The following SDK1 variants were observed in gnomAD, a reference collection of about 807,000 sequenced individuals.
The protein encoded by SDK1 is sidekick cell adhesion molecule 1.
A neutral mutation model predicts 245.5 loss-of-function variants in SDK1; 157 were observed. The ratio of observed to expected loss-of-function variants is 0.64; its 90% confidence interval spans 0.56 to 0.73. The LOEUF is 0.73. Ranked by LOEUF, SDK1 falls within the 30% of genes least tolerant of loss-of-function variation. SDK1 has a pLI of 0.00. For synonymous variants in SDK1, 1,647 were observed against 1,278.5 expected (o/e 1.29, Z -6.15); for missense variants, 3,583 against 3,002.3 (o/e 1.19, Z -4.52).
intron 1 of SDK1, among the ~76,000 whole-genome samples, chr7:3,366,295 C>G (rs984509698): frequency 4.6e-5 from 7 of 151,664 alleles, no homozygotes; most frequent in African/African-American, 1.5e-4. Flanking sequence ...AAAGTACTTG[C>G]TTTTTCTTCC....
chr7:3,730,147 A>T (rs1170703670), intron 4 of SDK1, among the ~76,000 whole-genome samples: 1 of 152,128 alleles, frequency 6.6e-6, no homozygotes, highest in Non-Finnish European at 1.5e-5. Context: ...GCTGATGAGG[A>T]TCCCTTTGAA....
chr7:3,592,465 C>G (rs548010858), intron 1 of SDK1, among the ~76,000 whole-genome samples: 5 of 152,322 alleles, frequency 3.3e-5, no homozygotes, highest in African/African-American at 1.2e-4. Flanking sequence ...TCACTCTGCT[C>G]ACTGCCCTTT....
At chr7:3,858,826 C>G (rs1469205920) in intron 5 of SDK1, among the ~76,000 whole-genome samples, 1 of 149,078 alleles carries the variant, frequency 6.7e-6, no homozygotes, top group Non-Finnish European at 1.5e-5. Flanking sequence ...AACAGTTGTC[C>G]CAAAATTTAG....
intron 5 of SDK1, among the ~76,000 whole-genome samples, chr7:3,848,300 G>T (rs1780331455): frequency 6.6e-6 from 1 of 152,140 alleles, no homozygotes; most frequent in African/African-American, 2.4e-5. Flanking sequence ...CTTTGTTTTG[G>T]TACCCAGAAG....
chr7:3,552,719 AT>A (rs1779456323), intron 1 of SDK1, among the ~76,000 whole-genome samples: 1 of 152,208 alleles, frequency 6.6e-6, no homozygotes, highest in Admixed American at 6.5e-5. Flanking sequence ...CAATTTGCTA[AT>A]TAGGTCATTC....
chr7:4,001,909 C>T (rs1372648521), intron 14 of SDK1, among the ~76,000 whole-genome samples: 1 of 152,246 alleles, frequency 6.6e-6, no homozygotes, highest in African/African-American at 2.4e-5. Context: ...ACAGGTCTCT[C>T]TCACAATGTT....
At chr7:4,124,025 G>T (rs562682524) in intron 25 of SDK1, among the ~76,000 whole-genome samples, 1 of 152,184 alleles carries the variant, frequency 6.6e-6, no homozygotes, top group African/African-American at 2.4e-5. Context: ...ACTGACTCGC[G>T]TCCTGAGGCT....
At chr7:3,589,774 A>C (rs1273506238) in intron 1 of SDK1, among the ~76,000 whole-genome samples, 2 of 152,216 alleles carry the variant, frequency 1.3e-5, no homozygotes, top group Admixed American at 1.3e-4. Flanking sequence ...TGGGTCCCTC[A>C]TGACACATGG....
chr7:3,710,479 A>G lies in SDK1; in HGVS notation c.713+68374A>G, dbSNP rs551525611. Among the ~76,000 whole-genome samples the G allele has an allele frequency of 5.3e-5, 8 of 152,334 alleles. No homozygotes were observed. In the East Asian group the frequency reaches 1.3e-3, roughly 26 times the overall value. Reference sequence around the variant, plus strand: ...ATTAAGGACTAATGTCATTAGGGACATTTCTACTTTTGATATAGAAACAAG... The same window carrying G: ...ATTAAGGACTAATGTCATTAGGGACGTTTCTACTTTTGATATAGAAACAAG... On this transcript the variant is annotated intron_variant, in intron 4 of 44. Coordinates refer to ENST00000404826, the MANE Select transcript of SDK1 (RefSeq NM_152744.4).
At chr7:3,503,502 A>G (rs1257785351) in intron 1 of SDK1, among the ~76,000 whole-genome samples, 1 of 152,096 alleles carries the variant, frequency 6.6e-6, no homozygotes, top group Non-Finnish European at 1.5e-5. Context: ...ATATAGTGAG[A>G]ACCTTCCTCT....
intron 1 of SDK1, among the ~76,000 whole-genome samples, chr7:3,547,974 TC>T (rs1779284257): frequency 6.6e-6 from 1 of 152,232 alleles, no homozygotes; most frequent in Admixed American, 6.5e-5. Flanking sequence ...ACCTGATTCT[TC>T]CTTCTGTTCT....
chr7:3,373,148 A>C (rs1274779438), intron 1 of SDK1, among the ~76,000 whole-genome samples: 1 of 152,190 alleles, frequency 6.6e-6, no homozygotes, highest in African/African-American at 2.4e-5. Flanking sequence ...TAAGTTGAAA[A>C]TGCATACACC....
At chr7:3,712,587 G>T (rs1220849426) in intron 4 of SDK1, among the ~76,000 whole-genome samples, 1 of 152,164 alleles carries the variant, frequency 6.6e-6, no homozygotes, top group Admixed American at 6.5e-5. Flanking sequence ...CAAGAAGGTT[G>T]GGGACTGCTG....
In SDK1 at chr7:3,939,221, G is replaced by T. The variant is rs545226466; in HGVS notation, c.848-11702G>T. On this transcript the variant is annotated intron_variant, in intron 5 of 44. Coordinates refer to ENST00000404826, the MANE Select transcript of SDK1 (RefSeq NM_152744.4). ...TTGGGTTTGTGAGGGGGCCTGCCCT[G>T]TCCCCACACATGTGATTCCTCTCAC... Among the ~76,000 whole-genome samples the T allele has an allele frequency of 7.2e-5, 11 of 152,346 alleles. 1 individual carries two copies. Among genetic ancestry groups the T allele is most frequent in the Middle Eastern group, 3.4e-3 (1 of 294 alleles).
At chr7:4,004,366 A>G (rs1785300264) in intron 14 of SDK1, among the ~76,000 whole-genome samples, 1 of 152,204 alleles carries the variant, frequency 6.6e-6, no homozygotes, top group South Asian at 2.1e-4. Flanking sequence ...TTAGAAAAAT[A>G]ATAAATTTGC....
chr7:3,950,717 G>C (rs1780774298), intron 5 of SDK1, among the ~76,000 whole-genome samples: 1 of 152,170 alleles, frequency 6.6e-6, no homozygotes, highest in Admixed American at 6.5e-5. Flanking sequence ...GGACTGGACT[G>C]AATGTGTATG....
chr7:4,061,045 C>G (rs1188030220), intron 19 of SDK1, among the ~76,000 whole-genome samples: 1 of 152,142 alleles, frequency 6.6e-6, no homozygotes, highest in Admixed American at 6.5e-5. Context: ...GATACTGGAG[C>G]CTTGTAGTAT....
At chr7:3,928,503 A>G (rs886653392) in intron 5 of SDK1, among the ~76,000 whole-genome samples, 10 of 152,216 alleles carry the variant, frequency 6.6e-5, no homozygotes, top group African/African-American at 2.4e-4. Context: ...AAAAAATATG[A>G]AATTGTAGGA....
intron 1 of SDK1, among the ~76,000 whole-genome samples, chr7:3,616,206 A>AATC (rs373064095): frequency 2.6e-5 from 4 of 151,894 alleles, no homozygotes; most frequent in African/African-American, 7.2e-5. Flanking sequence ...AGTAAGAGCT[A>AATC]ATCATCATCA....
Sources: allele counts gnomAD v4.1 joint callset (sites outside exome capture counted in the v4.1 genomes callset), GRCh38; gene constraint gnomAD v4.1.1; transcripts MANE v1.5; gene names NCBI Gene and HGNC (gene_info 2026-07-23, HGNC 2026-07-21).